Variants in YY1 observed in about 807,000 individuals in gnomAD.
The protein encoded by YY1 is YY1 transcription factor, also known as transcriptional repressor protein YY1.
A neutral mutation model predicts 35.6 loss-of-function variants in YY1; 2 were observed. That is an observed-to-expected ratio of 0.06 (90% CI 0.02 to 0.18). The LOEUF is 0.18. Among genes scored for constraint, YY1 ranks in the 10% least tolerant of loss-of-function variants. YY1 has a pLI of 1.00. For synonymous variants in YY1, 268 were observed against 238.9 expected, an observed-to-expected ratio of 1.12 and a Z score of -1.12; for missense variants, 322 against 573.4, an observed-to-expected ratio of 0.56 and a Z score of 4.48.
Position 100,277,330 on chromosome 14 carries a change from G to A in YY1, c.1063-88G>A. ...GAAAAGTGTTTGGTAAAATAAATAG[G>A]CTGTTCTCTAGCAAAGCAGTGAGCT... On this transcript the variant is annotated intron_variant, in intron 4 of 4. Transcript: ENST00000262238. This position sits in a 1 kb window ranked among gnomAD's most constrained non-coding sequence, Gnocchi z 5.6. 3.4e-6 allele frequency: 5 copies of A among 1,455,350 alleles called. No homozygotes were observed. Among genetic ancestry groups the A allele is most frequent in the Non-Finnish European group, 4.8e-6 (5 of 1,038,286 alleles). 90.2% of individuals were successfully genotyped at this position (1,455,350 alleles called of 1,614,324 possible).
intron 1 of YY1, among the ~76,000 whole-genome samples, chr14:100,248,111 A>ATTTCTTTTTC (rs1890860364): frequency 1.3e-5 from 1 of 75,894 alleles, no homozygotes; most frequent in African/African-American, 6.4e-5. Flanking sequence ...CGCCCGGCTA[A>ATTTCTTTTTC]TTTTTTTTTC....
In YY1 at chr14:100,281,515, C is replaced by T. The variant is rs2139616424; in HGVS notation, c.*3915C>T. The T allele has an allele frequency of 6.6e-6, 1 of 152,330 alleles. No individual in the cohort carries two copies. Among genetic ancestry groups the T allele is most frequent in the Admixed American group, 6.5e-5 (1 of 15,302 alleles). 9.4% of individuals were successfully genotyped at this position (152,330 alleles called of 1,614,324 possible). On this transcript the variant is annotated 3_prime_UTR_variant, in exon 5 of 5. Coordinates refer to ENST00000262238, the MANE Select transcript of YY1 (RefSeq NM_003403.5). ...AGCGCAGCACTTCAGAGTTCAGGCC[C>T]AGCAGGTCCTGGCAAGTGCATTCCA...
At chr14:100,264,573 G>C (rs1026528963) in intron 2 of YY1, among the ~76,000 whole-genome samples, 1 of 152,178 alleles carries the variant, frequency 6.6e-6, no homozygotes, top group Non-Finnish European at 1.5e-5. Flanking sequence ...CATTAAGGGC[G>C]ATGAATCCTA....
At chr14:100,242,379 T>G (rs1333841061) in intron 1 of YY1, among the ~76,000 whole-genome samples, 1 of 19,164 alleles carries the variant, frequency 5.2e-5, no homozygotes, top group Non-Finnish European at 9.7e-5. Flanking sequence ...TTGTTTTTTG[T>G]TTTTTTTTTT....
At chr14:100,268,736 T>A (rs1891190143) in intron 2 of YY1, among the ~76,000 whole-genome samples, 2 of 152,076 alleles carry the variant, frequency 1.3e-5, no homozygotes, top group Admixed American at 1.3e-4. Flanking sequence ...AGAAGGGAGG[T>A]GAATCATGCT....
intron 1 of YY1, among the ~76,000 whole-genome samples, chr14:100,249,760 G>GTTTTTT (rs34925666): frequency 1.2e-4 from 17 of 143,052 alleles, no homozygotes; most frequent in African/African-American, 4.5e-4. Context: ...TTTTTTTTTT[G>GTTTTTT]TTTGTTTTTG....
rs573126876 is a variant in YY1, at chr14:100,282,164, C to G, written c.*4564C>G. On this transcript the variant is annotated 3_prime_UTR_variant, in exon 5 of 5. Coordinates refer to ENST00000262238, the MANE Select transcript of YY1 (RefSeq NM_003403.5). Reference sequence around the variant, plus strand: ...CGAGCAGGCACCCAGCCCCATGTCCCCCGCCAGCATTCTGGATGTCAGAGG... The same window carrying G: ...CGAGCAGGCACCCAGCCCCATGTCCGCCGCCAGCATTCTGGATGTCAGAGG... 7.3e-3 allele frequency: 1,117 copies of G among 152,322 alleles called. 8 individuals are homozygous for G. Among genetic ancestry groups the G allele is most frequent in the Non-Finnish European group, 0.012 (789 of 68,030 alleles). 9.4% of individuals were successfully genotyped at this position (152,322 alleles called of 1,614,324 possible).
At position 100,276,091 on chromosome 14, in the gene YY1, G is replaced by A. The variant is rs1202403004; in HGVS notation, c.904-399G>A. ...CCACCAAAGGTAGTGGTGGACTACC[G>A]TCATTTTAACTCCATTTGCTTAGCA... On this transcript the variant is annotated intron_variant, in intron 3 of 4. Coordinates refer to ENST00000262238, the MANE Select transcript of YY1 (RefSeq NM_003403.5). This position sits in a 1 kb window ranked among gnomAD's most constrained non-coding sequence, Gnocchi z 4.1. The A allele has an allele frequency of 1.0e-5, 3 of 293,216 alleles. No individual in the cohort carries two copies. The highest frequency in any genetic ancestry group is 4.4e-5 in the African/African-American group (2 of 45,196). 18.2% of individuals were successfully genotyped at this position (293,216 alleles called of 1,614,324 possible). A position where few individuals can be genotyped will look rare whatever the true frequency, so the allele number is the denominator to read the frequency against.
At chr14:100,264,039 A>G (rs1469557474) in intron 2 of YY1, 14 of 149,096 alleles carry the variant, frequency 9.4e-5, no homozygotes. Flanking sequence ...ATTTTATTTT[A>G]TTTTTTGTAG....
At chr14:100,266,241 G>A (rs1004051824) in intron 2 of YY1, among the ~76,000 whole-genome samples, 37 of 152,110 alleles carry the variant, frequency 2.4e-4, no homozygotes, top group Non-Finnish European at 4.4e-4. Flanking sequence ...GGGTGAGGAC[G>A]CAGCGAAACC....
At position 100,266,741 on chromosome 14, in the gene YY1, G is replaced by T. The variant is rs114245338; in HGVS notation, c.842+4275G>T. 2.0e-3 allele frequency among the ~76,000 whole-genome samples: 310 copies of T among 152,318 alleles called. 1 individual carries two copies. Among genetic ancestry groups the T allele is most frequent in the African/African-American group, 7.2e-3 (299 of 41,556 alleles). ...ACCTGAATGAGACTTTTCTTCAGTAGCAGGGGATAATTAGAGACAATAAAA... is the reference window on the plus strand; with the variant it reads ...ACCTGAATGAGACTTTTCTTCAGTATCAGGGGATAATTAGAGACAATAAAA... On this transcript the variant is annotated intron_variant, in intron 2 of 4. Transcript: ENST00000262238.
intron 1 of YY1, among the ~76,000 whole-genome samples, chr14:100,260,696 C>G (rs1325666131): frequency 6.8e-6 from 1 of 146,164 alleles, no homozygotes; most frequent in Non-Finnish European, 1.5e-5. Context: ...TGGTCTCGAT[C>G]TCCTGACCTC....
At chr14:100,250,000 C>G (rs937458365) in intron 1 of YY1, among the ~76,000 whole-genome samples, 1 of 151,944 alleles carries the variant, frequency 6.6e-6, no homozygotes, top group Non-Finnish European at 1.5e-5. Context: ...CTCGAACTCC[C>G]GACCTCAGGT....
intron 1 of YY1, among the ~76,000 whole-genome samples, chr14:100,252,014 T>C (rs897618790): frequency 1.3e-5 from 2 of 152,120 alleles, no homozygotes; most frequent in Admixed American, 1.3e-4. Context: ...AAGGAAGAGA[T>C]CTTAATTTGG....
Position 100,239,218 on chromosome 14 carries a change from G to A in YY1, c.-27G>A. ...CCGCAGCCGAGGAGCCGAGGCCGCC[G>A]CGGCCGTGGCGGCGGAGCCCTCAGC... On this transcript the variant is annotated 5_prime_UTR_variant, in exon 1 of 5. Coordinates refer to ENST00000262238, the MANE Select transcript of YY1 (RefSeq NM_003403.5). 2 of 1,456,890 alleles carry A rather than the reference G, an allele frequency of 1.4e-6. No individual in the cohort carries two copies. The highest frequency in any genetic ancestry group is 1.8e-6 in the Non-Finnish European group (2 of 1,108,476). The allele number at this position is 1,456,890 out of a possible 1,614,324, so 90.2% of individuals were successfully genotyped here. A position where few individuals can be genotyped will look rare whatever the true frequency, so the allele number is the denominator to read the frequency against.
intron 1 of YY1, among the ~76,000 whole-genome samples, chr14:100,249,100 ATTTTTTTTTTTTTTTTT>A (rs60088505): frequency 3.2e-4 from 15 of 46,834 alleles, no homozygotes; most frequent in East Asian, 9.2e-4. Flanking sequence ...TTCTCGTGTA[ATTTTTTTTTTTTTTTTT>A]TTTTTTTTTT....
intron 2 of YY1, among the ~76,000 whole-genome samples, chr14:100,273,982 T>C (rs1891284161): frequency 6.6e-6 from 1 of 152,116 alleles, no homozygotes; most frequent in African/African-American, 2.4e-5. Context: ...AAATGAGAAC[T>C]TCCAAGCCCC....
chr14:100,276,286 A>G lies in YY1; in HGVS notation c.904-204A>G. On this transcript the variant is annotated intron_variant, in intron 3 of 4. Coordinates refer to ENST00000262238, the MANE Select transcript of YY1 (RefSeq NM_003403.5). The surrounding 1 kb of genome is among the most constrained non-coding windows in gnomAD (Gnocchi z 4.1). The stretch of plus-strand genomic sequence containing the variant: ...CCTCAGTTTCCTCATCTGTAAAACT[A>G]GGGTTTGCATTGAATGATGACTTTT... 1.5e-6 allele frequency: 1 copy of G among 649,748 alleles called. No homozygotes were observed. The highest frequency in any genetic ancestry group is 2.6e-6 in the Non-Finnish European group (1 of 390,868). 40.2% of individuals were successfully genotyped at this position (649,748 alleles called of 1,614,324 possible).
rs114115394 is a variant in YY1 at position 100,244,168 on chromosome 14, T to C, written c.679+4245T>C. Among the ~76,000 whole-genome samples, 1,266 of 152,178 alleles carry C rather than the reference T, an allele frequency of 8.3e-3. 12 individuals carry two copies. The highest frequency in any genetic ancestry group is 0.027 in the African/African-American group (1,139 of 41,510). On this transcript the variant is annotated intron_variant, in intron 1 of 4. Transcript: ENST00000262238. ...TTTCTGGAAACCAAATGGGTTTCTTTTGCGCACATGCCATGTTCCTTTAAT... is the reference window on the plus strand; with the variant it reads ...TTTCTGGAAACCAAATGGGTTTCTTCTGCGCACATGCCATGTTCCTTTAAT...
Sources: gnomAD v4.1 joint callset for allele counts (sites outside exome capture counted in the v4.1 genomes callset) on GRCh38, gnomAD v4.1.1 for gene constraint, Gnocchi (gnomAD v3.1) non-coding constraint, MANE v1.5 for transcripts, NCBI Gene and HGNC (gene_info 2026-07-23, HGNC 2026-07-21) for gene names.